Variants in UTP4 observed in about 807,000 individuals in gnomAD.
The protein encoded by UTP4 is UTP4 small subunit processome component.
UTP4 carries 45 observed loss-of-function variants against 82.4 expected under a neutral mutation model. That is an observed-to-expected ratio of 0.55 (90% CI 0.43 to 0.70). UTP4 has a LOEUF of 0.70. Among genes scored for constraint, UTP4 ranks in the 30% least tolerant of loss-of-function variants. The probability of loss-of-function intolerance (pLI) is 0.00; values close to 1 mark genes in which losing one functional copy is unlikely to be tolerated. For synonymous variants in UTP4, 348 were observed against 300.3 expected, an observed-to-expected ratio of 1.16 and a Z score of -1.64; for missense variants, 819 against 858.3, an observed-to-expected ratio of 0.95 and a Z score of 0.57.
At chr16:69,157,351 T>G in intron 12 of UTP4, 111 bp downstream of exon 12, 4 of 1,020,060 alleles carry the variant, frequency 3.9e-6, no homozygotes, top group Non-Finnish European at 6.0e-6. Context: ...ACCCTGCAGA[T>G]ACACTCACTC....
rs151149888 is a variant in UTP4 at position 69,138,323 on chromosome 16, C to T, written c.436+438C>T. On this transcript the variant is annotated intron_variant, in intron 4 of 16. Coordinates refer to ENST00000314423, the MANE Select transcript of UTP4 (RefSeq NM_032830.3). ...CATGATCTCGGCTCACTGTAATCTC[C>T]GCCTCCCGGCTTCAAGTGATTCTGG... is the stretch of plus-strand genomic sequence containing the variant. 6.2e-3 allele frequency among the ~76,000 whole-genome samples: 936 copies of T among 151,822 alleles called. 2 individuals carry two copies. The highest frequency in any genetic ancestry group is 9.3e-3 in the Non-Finnish European group (629 of 67,952).
intron 13 of UTP4, among the ~76,000 whole-genome samples, chr16:69,160,672 C>T (rs1330319275): frequency 6.6e-6 from 1 of 150,560 alleles, no homozygotes; most frequent in Non-Finnish European, 1.5e-5. Context: ...TCTCGGCTCA[C>T]TGCAACCTCA....
At chr16:69,151,812 G>A (rs942943490) in intron 8 of UTP4, among the ~76,000 whole-genome samples, 4 of 151,676 alleles carry the variant, frequency 2.6e-5, no homozygotes, top group African/African-American at 9.7e-5. Flanking sequence ...TGTGGGTTAT[G>A]GGAATTTTGT....
chr16:69,133,126 T>G, intron 1 of UTP4: 1 of 352,462 alleles, frequency 2.8e-6, no homozygotes, highest in African/African-American at 2.1e-5. Flanking sequence ...TACCTCAGTT[T>G]AGGTCTGTTG....
rs766208762 is a variant in UTP4 at position 69,143,256 on chromosome 16, C to T, written c.605C>T (p.Ala202Val). ...CGGAAGTGCATCGTGTGGGGTGTCGCCTTCTTGTCCGATGGCACTATCATA... is the reference window on the plus strand; with the variant it reads ...CGGAAGTGCATCGTGTGGGGTGTCGTCTTCTTGTCCGATGGCACTATCATA... ...SKRKCIVWGV[A>V]FLSDGTIISV... Residue 202 changes from alanine (A) to valine (V), a missense_variant, in exon 6 of 17, where the codon GCC (alanine) becomes GTC (valine). By Grantham distance (64) the Ala-to-Val change is moderately conservative. Coordinates refer to ENST00000314423, the MANE Select transcript of UTP4 (RefSeq NM_032830.3). 16 of 1,614,070 alleles carry T rather than the reference C, an allele frequency of 9.9e-6. No homozygotes were observed. The highest frequency in any genetic ancestry group is 2.2e-5 in the South Asian group (2 of 91,092).
rs750846590 is a variant in UTP4 at position 69,165,545 on chromosome 16, C to A, written c.1833+19C>A. 3.2e-5 allele frequency: 51 copies of A among 1,598,978 alleles called. No homozygotes were observed. The highest frequency in any genetic ancestry group is 5.1e-6 in the Non-Finnish European group (6 of 1,166,520). On this transcript the variant is annotated intron_variant, in intron 15 of 16. Coordinates refer to ENST00000314423, the MANE Select transcript of UTP4 (RefSeq NM_032830.3). Reference sequence around the variant, plus strand: ...GTCATTGGTGAGTTCTTCACTGCTACCTCCCAAATCTTCTTCTGAATCTTA... The same window carrying A: ...GTCATTGGTGAGTTCTTCACTGCTAACTCCCAAATCTTCTTCTGAATCTTA...
intron 2 of UTP4, 75 bp from the exon 3 acceptor site, chr16:69,136,621 A>G (rs557016777): frequency 4.9e-6 from 7 of 1,441,668 alleles, no homozygotes; most frequent in African/African-American, 1.4e-5. Flanking sequence ...TGTTTTTACC[A>G]TGTTGCCTGT....
At chr16:69,166,611 C>T (rs193149700) in intron 15 of UTP4, 1 of 163,882 alleles carries the variant, frequency 6.1e-6, no homozygotes, top group Admixed American at 6.0e-5. Flanking sequence ...TGAGGTTTCG[C>T]CTGGGGAGAA....
chr16:69,139,825 G>A lies in UTP4; in HGVS notation c.437G>A (p.Ser146Asn), dbSNP rs750799277. 1 of 1,611,888 alleles carries A rather than the reference G, an allele frequency of 6.2e-7. No homozygotes were observed. Among genetic ancestry groups the A allele is most frequent in the Non-Finnish European group, 8.5e-7 (1 of 1,178,076 alleles). Residue 146 changes from serine (S) to asparagine (N), a missense_variant and splice_region_variant, in exon 5 of 17, where the codon AGT becomes AAT. Physicochemically the swap from Ser to Asn is conservative, Grantham distance 46 (BLOSUM62 1). Transcript: ENST00000314423. Reference sequence around the variant, plus strand: ...CTTTTTTTGTTGTCCAACTCCCAAGGTCGCATCCTGAGTCTCAGCTGGCAT... The same window carrying A: ...CTTTTTTTGTTGTCCAACTCCCAAGATCGCATCCTGAGTCTCAGCTGGCAT... ...QFERNFDRQK[S>N]RILSLSWHPS...
chr16:69,136,659 T>C (rs773399190), intron 2 of UTP4, 37 bp from the exon 3 acceptor site: 1 of 1,608,500 alleles, frequency 6.2e-7, no homozygotes, highest in Non-Finnish European at 8.5e-7. Flanking sequence ...ACCTGATGAA[T>C]TTGTGGTAAT....
chr16:69,137,677 A>C, intron 3 of UTP4, 124 bp from the exon 4 acceptor site: 1 of 677,362 alleles, frequency 1.5e-6, no homozygotes, highest in South Asian at 1.7e-5. Flanking sequence ...TTTTCACGGC[A>C]ACTGATAGCT....
In UTP4 at chr16:69,157,090, A is replaced by G. The variant is rs758656831; in HGVS notation, c.1294A>G (p.Lys432Glu). Reference sequence around the variant, plus strand: ...ATTATTGGTTCACCCAAAGGTTTCCAAAATGCCAGCATTCCTTCGCTCTGC... The same window carrying G: ...ATTATTGGTTCACCCAAAGGTTTCCGAAATGCCAGCATTCCTTCGCTCTGC... Reference protein sequence around the residue: ...HDNISLKRVSKMPAFLRSALQ... With the variant: ...HDNISLKRVSEMPAFLRSALQ... Residue 432 changes from lysine (K) to glutamate (E), a missense_variant, in exon 12 of 17, where the codon AAA becomes GAA. Lys to Glu is a moderately conservative substitution (Grantham distance 56). Transcript: ENST00000314423. The G allele has an allele frequency of 1.3e-5, 21 of 1,614,234 alleles. No homozygotes were observed. The highest frequency in any genetic ancestry group is 1.8e-5 in the Non-Finnish European group (21 of 1,180,046).
At chr16:69,134,425 G>T (rs1008403042) in intron 2 of UTP4, among the ~76,000 whole-genome samples, 1 of 151,908 alleles carries the variant, frequency 6.6e-6, no homozygotes, top group African/African-American at 2.4e-5. Context: ...AAAGATAAGT[G>T]TACAGTTTCC....
chr16:69,160,312 G>A (rs376867560), intron 12 of UTP4, 44 bp from the exon 13 acceptor site: 13 of 1,490,072 alleles, frequency 8.7e-6, no homozygotes, highest in African/African-American at 1.4e-5. Context: ...GTCTGGCTGT[G>A]GACACTGTGT....
intron 14 of UTP4, among the ~76,000 whole-genome samples, chr16:69,163,880 G>GTTTTTTTTTT (rs201368311): frequency 8.3e-5 from 11 of 132,600 alleles, no homozygotes; most frequent in African/African-American, 2.9e-4. Context: ...TTGATGGTCA[G>GTTTTTTTTTT]TTTGTTTTTT....
intron 11 of UTP4, among the ~76,000 whole-genome samples, chr16:69,156,704 C>CG (rs1326470835): frequency 2.0e-5 from 3 of 151,586 alleles, no homozygotes; most frequent in African/African-American, 7.3e-5. Context: ...GTGATCCACC[C>CG]CCTCAGCCTC....
At chr16:69,151,961 A>T (rs1295555663) in intron 8 of UTP4, among the ~76,000 whole-genome samples, 1 of 151,634 alleles carries the variant, frequency 6.6e-6, no homozygotes, top group Non-Finnish European at 1.5e-5. Flanking sequence ...TTCAAGCAGT[A>T]AACCTCATTG....
chr16:69,157,081 A>C lies in UTP4; in HGVS notation c.1288-3A>C, dbSNP rs943688274. 8 of 1,614,200 alleles carry C rather than the reference A, an allele frequency of 5.0e-6. No individual in the cohort carries two copies. In the South Asian group the frequency reaches 7.7e-5, roughly 16 times the overall value. ...CTGGCTTTTATTATTGGTTCACCCA[A>C]AGGTTTCCAAAATGCCAGCATTCCT... On this transcript the variant is annotated splice_region_variant and splice_polypyrimidine_tract_variant and intron_variant, in intron 11 of 16. Coordinates refer to ENST00000314423, the MANE Select transcript of UTP4 (RefSeq NM_032830.3).
At chr16:69,147,398 G>A (rs1173064809) in intron 6 of UTP4, among the ~76,000 whole-genome samples, 9 of 151,814 alleles carry the variant, frequency 5.9e-5, no homozygotes, top group Non-Finnish European at 1.0e-4. Flanking sequence ...CCAGCTACTC[G>A]GGAGGCTGAG....
Sources: allele counts gnomAD v4.1 joint callset (sites outside exome capture counted in the v4.1 genomes callset), GRCh38; gene constraint gnomAD v4.1.1; transcripts MANE v1.5; gene names NCBI Gene and HGNC (gene_info 2026-07-23, HGNC 2026-07-21).